The following PALM2AKAP2 variants were observed in gnomAD, a reference collection of about 807,000 sequenced individuals.
PALM2AKAP2 encodes the protein PALM2 and AKAP2 fusion.
PALM2AKAP2 carries 37 observed loss-of-function variants against 71.5 expected under a neutral mutation model. The observed-to-expected ratio is 0.52, with a 90% CI of 0.40 to 0.68. The LOEUF is 0.68. Among genes scored for constraint, PALM2AKAP2 ranks in the 30% least tolerant of loss-of-function variants. PALM2AKAP2 has a pLI of 0.00. For synonymous variants in PALM2AKAP2, 468 were observed against 478.8 expected (o/e 0.98, Z 0.29); for missense variants, 1,224 against 1,191.8 (o/e 1.03, Z -0.40).
chr9:109,667,182 G>T (rs1021365068), intron 1 of PALM2AKAP2, among the ~76,000 whole-genome samples: 81 of 152,248 alleles, frequency 5.3e-4, no homozygotes, highest in African/African-American at 1.9e-3. Context: ...GAGTGGAGGA[G>T]AGAGAGAAAT....
chr9:109,865,312 T>A (rs1440478356), intron 1 of PALM2AKAP2, among the ~76,000 whole-genome samples: 1 of 152,064 alleles, frequency 6.6e-6, no homozygotes, highest in Admixed American at 6.5e-5. Context: ...TTGGCTAGGC[T>A]AGTCTCAAAC....
At chr9:109,657,362 G>A (rs758796285) in intron 1 of PALM2AKAP2, among the ~76,000 whole-genome samples, 17 of 152,262 alleles carry the variant, frequency 1.1e-4, no homozygotes, top group South Asian at 2.1e-4. Context: ...GCACATCTGG[G>A]GGCTAAGAAG....
chr9:109,804,332 T>C (rs948366058), intron 1 of PALM2AKAP2, among the ~76,000 whole-genome samples: 9 of 152,344 alleles, frequency 5.9e-5, no homozygotes, highest in African/African-American at 1.9e-4. Context: ...TTAAATTCAG[T>C]TTGCACACAA....
At chr9:110,103,666 C>T (rs1835051419) in intron 1 of PALM2AKAP2, among the ~76,000 whole-genome samples, 1 of 152,172 alleles carries the variant, frequency 6.6e-6, no homozygotes, top group African/African-American at 2.4e-5. Flanking sequence ...GCAGTTTTTC[C>T]TCTGGCTGAT....
chr9:110,046,211 T>C (rs1359596537), upstream of PALM2AKAP2, among the ~76,000 whole-genome samples: 1 of 152,228 alleles, frequency 6.6e-6, no homozygotes, highest in Non-Finnish European at 1.5e-5. Context: ...ATTAAACAAC[T>C]ATTTCTGAGC....
intron 6 of PALM2AKAP2, among the ~76,000 whole-genome samples, chr9:110,009,028 C>T (rs1471315035): frequency 3.9e-5 from 6 of 152,134 alleles, no homozygotes; most frequent in South Asian, 2.1e-4. Flanking sequence ...TTTGCATGAG[C>T]GGCATTAATG....
At chr9:109,786,299 T>C (rs1375390834) in intron 1 of PALM2AKAP2, among the ~76,000 whole-genome samples, 2 of 152,290 alleles carry the variant, frequency 1.3e-5, no homozygotes, top group East Asian at 3.9e-4. Flanking sequence ...CAGTCCAGCT[T>C]CCCAAGGATC....
chr9:110,051,154 G>T (rs1470226073), intron 1 of PALM2AKAP2, among the ~76,000 whole-genome samples: 2 of 152,160 alleles, frequency 1.3e-5, no homozygotes, highest in African/African-American at 4.8e-5. Flanking sequence ...TTTGAGATGG[G>T]ACAAACATTT....
intron 6 of PALM2AKAP2, among the ~76,000 whole-genome samples, chr9:109,937,219 G>A (rs1285824771): frequency 1.3e-5 from 2 of 152,072 alleles, no homozygotes; most frequent in South Asian, 2.1e-4. Flanking sequence ...CAGAGCAATC[G>A]CTTCTCTGCT....
chr9:109,856,865 C>T (rs1259789703), intron 1 of PALM2AKAP2, among the ~76,000 whole-genome samples: 2 of 152,130 alleles, frequency 1.3e-5, no homozygotes, highest in African/African-American at 4.8e-5. Context: ...TTGGAGTTTG[C>T]GTTCCTTTGT....
At chr9:109,652,541 G>C (rs1827240694) in intron 1 of PALM2AKAP2, among the ~76,000 whole-genome samples, 1 of 152,226 alleles carries the variant, frequency 6.6e-6, no homozygotes, top group African/African-American at 2.4e-5. Context: ...AAATTACCTA[G>C]TCTCCAGTAT....
At chr9:110,141,989 T>C (rs1836042928) in intron 2 of PALM2AKAP2, among the ~76,000 whole-genome samples, 1 of 152,088 alleles carries the variant, frequency 6.6e-6, no homozygotes, top group Non-Finnish European at 1.5e-5. Flanking sequence ...CAATGAATGA[T>C]AGAAGTTCTG....
At chr9:109,675,329 A>G (rs548200947) in intron 1 of PALM2AKAP2, among the ~76,000 whole-genome samples, 178 of 152,282 alleles carry the variant, frequency 1.2e-3, no homozygotes, top group African/African-American at 4.2e-3. Flanking sequence ...TAAGCCCATT[A>G]TCTATTAAAA....
chr9:110,109,337 C>CAGA (rs1835188422), intron 1 of PALM2AKAP2, among the ~76,000 whole-genome samples: 15 of 107,006 alleles, frequency 1.4e-4, no homozygotes, highest in African/African-American at 3.2e-4. Context: ...AAAAAAAAAA[C>CAGA]CAGAAAGAAA....
chr9:110,029,617 C>A (rs1050273240), intron 7 of PALM2AKAP2, among the ~76,000 whole-genome samples: 3 of 152,210 alleles, frequency 2.0e-5, no homozygotes, highest in Non-Finnish European at 2.9e-5. Context: ...AGATAAGCCT[C>A]ATTTCTTAAG....
intron 6 of PALM2AKAP2, among the ~76,000 whole-genome samples, chr9:109,983,363 C>G (rs1171348623): frequency 6.6e-6 from 1 of 152,080 alleles, no homozygotes; most frequent in African/African-American, 2.4e-5. Flanking sequence ...TATGCTCTCT[C>G]CTCTCTCACC....
At chr9:109,952,354 C>T (rs1164011718) in intron 6 of PALM2AKAP2, among the ~76,000 whole-genome samples, 1 of 152,204 alleles carries the variant, frequency 6.6e-6, no homozygotes, top group Admixed American at 6.5e-5. Flanking sequence ...GATATGATGC[C>T]TACCACCTGC....
At chr9:109,802,220 T>C (rs745531835) in intron 1 of PALM2AKAP2, among the ~76,000 whole-genome samples, 1 of 152,224 alleles carries the variant, frequency 6.6e-6, no homozygotes, top group African/African-American at 2.4e-5. Context: ...AAAATAATGC[T>C]GTATAACTAA....
chr9:109,950,557 C>T (rs1237988333), intron 6 of PALM2AKAP2, among the ~76,000 whole-genome samples: 2 of 152,188 alleles, frequency 1.3e-5, no homozygotes, highest in Non-Finnish European at 2.9e-5. Context: ...AGAAACTACT[C>T]ACCACTCTTG....
Sources: gnomAD v4.1 joint callset for allele counts (sites outside exome capture counted in the v4.1 genomes callset) on GRCh38, gnomAD v4.1.1 for gene constraint, MANE v1.5 for transcripts, NCBI Gene and HGNC (gene_info 2026-07-23, HGNC 2026-07-21) for gene names.